TBCD: variants seen among roughly 807,000 people sequenced by gnomAD.
TBCD encodes tubulin-specific chaperone D.
Under a neutral mutation model 169.3 loss-of-function variants are expected in TBCD, and 105 were observed. The observed-to-expected ratio is 0.62, with a 90% CI of 0.53 to 0.73. TBCD has a LOEUF of 0.73. Among genes scored for constraint, TBCD ranks in the 30% least tolerant of loss-of-function variants. The pLI, the probability that TBCD is intolerant of heterozygous loss-of-function variation, is 0.00. For synonymous variants in TBCD, 700 were observed against 643.9 expected (o/e 1.09, Z -1.32); for missense variants, 1,444 against 1,600.1 (o/e 0.90, Z 1.66).
chr17:82,937,821 T>C (rs755768119), intron 35 of TBCD: 10 of 1,461,870 alleles, frequency 6.8e-6, no homozygotes, highest in Non-Finnish European at 9.1e-6. Context: ...GGAGATCCTC[T>C]GTGAGGCGTC....
At chr17:82,908,554 C>T (rs956715513) in intron 21 of TBCD, 9 of 313,300 alleles carry the variant, frequency 2.9e-5, no homozygotes, top group Middle Eastern at 1.0e-3. Context: ...AGATTCAGCT[C>T]GGATTCTTAT....
chr17:82,754,714 A>T (rs1013592410), intron 1 of TBCD, among the ~76,000 whole-genome samples: 2 of 152,246 alleles, frequency 1.3e-5, no homozygotes, highest in Non-Finnish European at 2.9e-5. Context: ...CCCCATTGCC[A>T]TAATTTCCTC....
At chr17:82,931,442 G>A (rs1179076935) in intron 33 of TBCD, among the ~76,000 whole-genome samples, 3 of 152,234 alleles carry the variant, frequency 2.0e-5, no homozygotes, top group Non-Finnish European at 4.4e-5. Flanking sequence ...CGTCACCATA[G>A]CCTCAGCCCA....
intron 13 of TBCD, among the ~76,000 whole-genome samples, chr17:82,862,233 G>A (rs1462749327): frequency 6.6e-6 from 1 of 152,190 alleles, no homozygotes; most frequent in Non-Finnish European, 1.5e-5. Context: ...AAACCTGAAG[G>A]TCTTATATTG....
At chr17:82,912,307 C>A (rs1037380381) in intron 23 of TBCD, among the ~76,000 whole-genome samples, 1 of 152,224 alleles carries the variant, frequency 6.6e-6, no homozygotes, top group Non-Finnish European at 1.5e-5. Context: ...CGCCTGATTC[C>A]CAAGCCTCTG....
intron 13 of TBCD, among the ~76,000 whole-genome samples, chr17:82,827,569 A>G (rs2052971520): frequency 6.6e-6 from 1 of 152,214 alleles, no homozygotes; most frequent in Admixed American, 6.5e-5. Context: ...ACCCATGTGC[A>G]CACATGCACG....
At chr17:82,809,607 C>T (rs1598634381) in intron 11 of TBCD, 101 bp from the exon 12 acceptor site, 3 of 1,298,054 alleles carry the variant, frequency 2.3e-6, no homozygotes, top group African/African-American at 1.5e-5. Context: ...CTCCTGGTCT[C>T]TGGAGGAAAG....
rs776128960 is a variant in TBCD at position 82,835,320 on chromosome 17, A to G, written c.1318+20386A>G. Reference sequence around the variant, plus strand: ...TCCTTCCTCCCACACGCCAGGGGCCAGGGGTGGTGGCTGGGCTTTCATATG... The same window carrying G: ...TCCTTCCTCCCACACGCCAGGGGCCGGGGGTGGTGGCTGGGCTTTCATATG... On this transcript the variant is annotated intron_variant, in intron 13 of 38. Transcript: ENST00000355528. The surrounding 1 kb of genome is among the most constrained non-coding windows in gnomAD (Gnocchi z 4.5). 6.6e-6 allele frequency among the ~76,000 whole-genome samples: 1 copy of G among 152,170 alleles called. No individual in the cohort carries two copies. The highest frequency in any genetic ancestry group is 1.5e-5 in the Non-Finnish European group (1 of 68,024).
intron 15 of TBCD, among the ~76,000 whole-genome samples, chr17:82,888,956 G>A (rs1017915922): frequency 2.0e-5 from 3 of 152,162 alleles, no homozygotes; most frequent in African/African-American, 7.2e-5. Flanking sequence ...GGACACTGAA[G>A]TCTCCTGTGT....
At chr17:82,927,583 T>A (rs1411490673) in intron 29 of TBCD, among the ~76,000 whole-genome samples, 1 of 152,154 alleles carries the variant, frequency 6.6e-6, no homozygotes, top group African/African-American at 2.4e-5. Flanking sequence ...GGAGGACGCG[T>A]CTTCAATGAA....
intron 13 of TBCD, among the ~76,000 whole-genome samples, chr17:82,844,206 C>CGTGTGTGTGTGTGGGTGTGTGT (rs1555612131): frequency 2.4e-4 from 30 of 127,410 alleles, no homozygotes; most frequent in Non-Finnish European, 4.0e-4. Flanking sequence ...GGATGTTCTC[C>CGTGTGTGTGTGTGGGTGTGTGT]GTGTGTGTGT....
At chr17:82,799,765 G>T (rs1165960750) in intron 8 of TBCD, among the ~76,000 whole-genome samples, 1 of 152,182 alleles carries the variant, frequency 6.6e-6, no homozygotes, top group Admixed American at 6.5e-5. Context: ...GAGCGTCCTT[G>T]GTGACGTGAA....
At chr17:82,799,249 C>T (rs1246992289) in intron 8 of TBCD, among the ~76,000 whole-genome samples, 2 of 151,688 alleles carry the variant, frequency 1.3e-5, no homozygotes, top group African/African-American at 2.4e-5. Flanking sequence ...TCGAGACCAG[C>T]CTGGCCAACA....
intron 13 of TBCD, among the ~76,000 whole-genome samples, chr17:82,819,531 C>CA (rs1487246969): frequency 6.7e-6 from 1 of 148,766 alleles, no homozygotes; most frequent in East Asian, 1.9e-4. Context: ...CCTGTTTCTA[C>CA]AAAAATTGTT....
At chr17:82,767,663 A>T (rs529843981) in intron 4 of TBCD, among the ~76,000 whole-genome samples, 2 of 151,128 alleles carry the variant, frequency 1.3e-5, no homozygotes, top group African/African-American at 4.9e-5. Context: ...CTGGTTTAGG[A>T]CTCTTGACCT....
At chr17:82,871,840 T>C (rs555927554) in intron 14 of TBCD, among the ~76,000 whole-genome samples, 82 of 152,304 alleles carry the variant, frequency 5.4e-4, no homozygotes, top group African/African-American at 1.9e-3. Context: ...ACGTCCTGGG[T>C]GCGCCTCCAC....
chr17:82,798,480 C>T (rs977568068), intron 8 of TBCD, among the ~76,000 whole-genome samples: 1 of 152,118 alleles, frequency 6.6e-6, no homozygotes, highest in African/African-American at 2.4e-5. Flanking sequence ...TGGGGTTTCA[C>T]CATGTTGGCC....
At chr17:82,933,256 C>G (rs2062355377) in intron 34 of TBCD, among the ~76,000 whole-genome samples, 1 of 146,898 alleles carries the variant, frequency 6.8e-6, no homozygotes, top group Admixed American at 6.9e-5. Flanking sequence ...CATTGAATTT[C>G]ACCGTGTTGG....
At chr17:82,802,366 G>A (rs2050635853) in intron 9 of TBCD, among the ~76,000 whole-genome samples, 1 of 152,124 alleles carries the variant, frequency 6.6e-6, no homozygotes, top group African/African-American at 2.4e-5. Flanking sequence ...GACGCGTGTT[G>A]TGTTGCAGTG....
Sources: gnomAD v4.1 joint callset for allele counts (sites outside exome capture counted in the v4.1 genomes callset) on GRCh38, gnomAD v4.1.1 for gene constraint, Gnocchi (gnomAD v3.1) non-coding constraint, MANE v1.5 for transcripts, NCBI Gene and HGNC (gene_info 2026-07-23, HGNC 2026-07-21) for gene names.